RFFL: variants seen among roughly 807,000 people sequenced by gnomAD.
RFFL encodes E3 ubiquitin-protein ligase rififylin.
RFFL carries 16 observed loss-of-function variants against 40.4 expected under a neutral mutation model. The ratio of observed to expected loss-of-function variants is 0.40; its 90% confidence interval spans 0.27 to 0.60. The LOEUF (loss-of-function observed/expected upper bound fraction) is 0.60. Among genes scored for constraint, RFFL ranks in the 20% least tolerant of loss-of-function variants. The pLI, the probability that RFFL is intolerant of heterozygous loss-of-function variation, is 0.47. For missense variants in RFFL, 367 were observed against 451.7 expected, an observed-to-expected ratio of 0.81 and a Z score of 1.70; for synonymous variants, 154 against 167.9, an observed-to-expected ratio of 0.92 and a Z score of 0.64.
Position 35,029,521 on chromosome 17 carries a change from CTT to C in RFFL, c.-8-2962_-8-2961del, listed in dbSNP as rs34986105. ...ATCATGCCCAGCTAATTTTTGCTTT[CTT>C]TTTTTTTTTTTTTTTGAGACGGAGT... is the stretch of plus-strand genomic sequence containing the variant. On this transcript the variant is annotated intron_variant, in intron 1 of 6. Coordinates refer to ENST00000394597, the MANE Select transcript of RFFL (RefSeq NM_001017368.2). 6.0e-4 allele frequency among the ~76,000 whole-genome samples: 69 copies of C among 114,956 alleles called. 1 individual carries two copies. Among genetic ancestry groups the C allele is most frequent in the South Asian group, 4.9e-3 (17 of 3,452 alleles). 75.4% of individuals were successfully genotyped at this position (114,956 alleles called of 152,430 possible).
chr17:35,040,019 A>G (rs1002717556), intron 1 of RFFL, among the ~76,000 whole-genome samples: 3 of 151,988 alleles, frequency 2.0e-5, no homozygotes, highest in Non-Finnish European at 4.4e-5. Flanking sequence ...ACCTTCTCCA[A>G]TCTAGCTTGA....
rs544696370 is a variant in RFFL at position 35,017,781 on chromosome 17, G to C, written c.592-175C>G. ...TCTCTCATACCAACTTTGTCAAGCAGAGAAACAACAAAAATACATTTCAAT... is the reference window on the plus strand; with the variant it reads ...TCTCTCATACCAACTTTGTCAAGCACAGAAACAACAAAAATACATTTCAAT... On this transcript the variant is annotated intron_variant, in intron 3 of 6. Coordinates refer to ENST00000394597, the MANE Select transcript of RFFL (RefSeq NM_001017368.2). Among the ~76,000 whole-genome samples the C allele has an allele frequency of 7.2e-5, 11 of 152,292 alleles. No individual in the cohort carries two copies. In the East Asian group the frequency reaches 9.6e-4, roughly 13 times the overall value.
At chr17:35,087,195 A>T (rs940246772) in intron 1 of RFFL, among the ~76,000 whole-genome samples, 1 of 152,096 alleles carries the variant, frequency 6.6e-6, no homozygotes, top group African/African-American at 2.4e-5. Context: ...TACAGAAAAT[A>T]CAAAAACTAG....
chr17:35,026,645 A>C, intron 1 of RFFL, 84 bp from the exon 2 acceptor site: 7 of 1,095,840 alleles, frequency 6.4e-6, no homozygotes, highest in Non-Finnish European at 9.3e-6. Flanking sequence ...ACAGGTGAGC[A>C]GTGACACTCA....
intron 1 of RFFL, among the ~76,000 whole-genome samples, chr17:35,056,026 T>TA (rs1297671300): frequency 6.6e-6 from 1 of 152,050 alleles, no homozygotes; most frequent in Non-Finnish European, 1.5e-5. Flanking sequence ...CCAAAATCCT[T>TA]AAAAACCCTA....
upstream of RFFL, among the ~76,000 whole-genome samples, chr17:35,068,436 T>C (rs189401877): frequency 6.6e-6 from 1 of 152,182 alleles, no homozygotes; most frequent in Admixed American, 6.5e-5. Flanking sequence ...CTTTAATCTT[T>C]AACAAGCCAC....
intron 1 of RFFL, chr17:35,076,795 C>A: frequency 4.6e-6 from 1 of 215,962 alleles, no homozygotes; most frequent in South Asian, 8.5e-5. Context: ...CAGGACGTAC[C>A]ACCTTCAGAA....
rs149699275 is a variant in RFFL at position 35,010,332 on chromosome 17, G to A, written c.*1636C>T. On this transcript the variant is annotated 3_prime_UTR_variant, in exon 7 of 7. Transcript: ENST00000394597. ...GAAAACACTCTGCTTTCCTGATCAT[G>A]TGTTTTGTGCTTGGCCACGCTTCTG... is the stretch of plus-strand genomic sequence containing the variant. 1 of 152,242 alleles carries A rather than the reference G, an allele frequency of 6.6e-6. No individual in the cohort carries two copies. The highest frequency in any genetic ancestry group is 1.5e-5 in the Non-Finnish European group (1 of 68,090). 9.4% of individuals were successfully genotyped at this position (152,242 alleles called of 1,614,324 possible). A position where few individuals can be genotyped will look rare whatever the true frequency, so the allele number is the denominator to read the frequency against.
intron 1 of RFFL, among the ~76,000 whole-genome samples, chr17:35,031,821 C>T (rs923395224): frequency 4.6e-5 from 7 of 151,982 alleles, no homozygotes; most frequent in Middle Eastern, 3.4e-3. Context: ...TGCAGCTGGG[C>T]GCGGTGGCTC....
rs777797950 is a variant in RFFL at position 35,021,565 on chromosome 17, C to A, written c.397G>T (p.Val133Phe). 3 of 1,613,994 alleles carry A rather than the reference C, an allele frequency of 1.9e-6. No homozygotes were observed. The highest frequency in any genetic ancestry group is 2.5e-6 in the Non-Finnish European group (3 of 1,180,002). ...GAGATTACAGGCTGCTGGCCAAGGACCAAGAGCACCAGCTCTTCTTTCTCC... is the reference window on the plus strand; with the variant it reads ...GAGATTACAGGCTGCTGGCCAAGGAACAAGAGCACCAGCTCTTCTTTCTCC... ...CREKEELVLL[V>F]LGQQPVISQE... is the part of the protein sequence containing the mutation. The change falls in exon 3 of 7, where the codon GTC becomes TTC. Residue 133 changes from valine (V) to phenylalanine (F), a missense_variant. Coordinates refer to ENST00000394597, the MANE Select transcript of RFFL (RefSeq NM_001017368.2).
chr17:35,032,320 G>T (rs2091090374), intron 1 of RFFL, among the ~76,000 whole-genome samples: 1 of 152,016 alleles, frequency 6.6e-6, no homozygotes. Context: ...GTGTGGGACA[G>T]ATCAGCAAGG....
At chr17:35,029,938 G>A (rs562872754) in intron 1 of RFFL, among the ~76,000 whole-genome samples, 16 of 148,856 alleles carry the variant, frequency 1.1e-4, no homozygotes, top group South Asian at 4.2e-4. Flanking sequence ...GAGAACATGC[G>A]GTGTTTGGTT....
chr17:35,046,410 C>T (rs1336198666), intron 1 of RFFL, among the ~76,000 whole-genome samples: 1 of 152,040 alleles, frequency 6.6e-6, no homozygotes, highest in African/African-American at 2.4e-5. Flanking sequence ...TCAAAGAAAC[C>T]GACCTCTACC....
At chr17:35,042,868 A>G (rs944020393) in intron 1 of RFFL, among the ~76,000 whole-genome samples, 12 of 151,660 alleles carry the variant, frequency 7.9e-5, no homozygotes, top group Admixed American at 2.6e-4. Flanking sequence ...AATTCAGAAT[A>G]CCTAAGTCAT....
intron 1 of RFFL, among the ~76,000 whole-genome samples, chr17:35,058,859 C>T (rs2091275430): frequency 6.6e-6 from 1 of 151,970 alleles, no homozygotes; most frequent in Non-Finnish European, 1.5e-5. Flanking sequence ...GAGGTGAAGT[C>T]AATGTCCCCT....
In RFFL at chr17:35,011,237, C is replaced by CA. The variant is rs750955404; in HGVS notation, c.*730dup. 1.3e-5 allele frequency: 2 copies of CA among 152,220 alleles called. No homozygotes were observed. Among genetic ancestry groups the CA allele is most frequent in the African/African-American group, 2.4e-5 (1 of 41,456 alleles). 9.4% of individuals were successfully genotyped at this position (152,220 alleles called of 1,614,324 possible). A position where few individuals can be genotyped will look rare whatever the true frequency, so the allele number is the denominator to read the frequency against. On this transcript the variant is annotated 3_prime_UTR_variant, in exon 7 of 7. Coordinates refer to ENST00000394597, the MANE Select transcript of RFFL (RefSeq NM_001017368.2). ...ACGCACTATCCCTTGCAGACAGAAA[C>CA]AAATTTCCCAGCAGTTTGGGAGCCT...
intron 1 of RFFL, among the ~76,000 whole-genome samples, chr17:35,081,442 T>G (rs934751711): frequency 1.3e-5 from 2 of 152,224 alleles, no homozygotes; most frequent in Non-Finnish European, 2.9e-5. Flanking sequence ...ATTTGGGAAT[T>G]GTTCATTCTC....
chr17:35,042,246 AG>A (rs2142347004), intron 1 of RFFL: 1 of 152,322 alleles, frequency 6.6e-6, no homozygotes, highest in East Asian at 1.9e-4. Flanking sequence ...TTAACTTGGA[AG>A]GCTGCTTACT....
chr17:35,056,644 T>G (rs1284439081), intron 1 of RFFL, among the ~76,000 whole-genome samples: 1 of 152,140 alleles, frequency 6.6e-6, no homozygotes, highest in Non-Finnish European at 1.5e-5. Context: ...CCCAAAGTGC[T>G]GGGATTACAG....
Sources: gnomAD v4.1 joint callset for allele counts (sites outside exome capture counted in the v4.1 genomes callset) on GRCh38, gnomAD v4.1.1 for gene constraint, MANE v1.5 for transcripts, NCBI Gene and HGNC (gene_info 2026-07-23, HGNC 2026-07-21) for gene names.